Variants in QTMAN observed in about 807,000 individuals in gnomAD.
QTMAN encodes queuosine-tRNA mannosyltransferase.
the QTMAN span, among the ~76,000 whole-genome samples, chr2:143,976,087 A>G: frequency 1.3e-5 from 2 of 152,236 alleles, no homozygotes; most frequent in Non-Finnish European, 2.9e-5. Flanking sequence ...TCATACAAAT[A>G]TAACTATTCC....
the QTMAN span, among the ~76,000 whole-genome samples, chr2:144,252,498 G>A: frequency 2.6e-5 from 4 of 152,128 alleles, no homozygotes; most frequent in East Asian, 1.9e-4. Context: ...CAAATATCAC[G>A]TTAATAGGAA....
At chr2:143,951,043 C>T in the QTMAN span, 2 of 150,982 alleles carry the variant, frequency 1.3e-5, no homozygotes, top group East Asian at 3.9e-4. Flanking sequence ...TTTGATGTAT[C>T]ACTATGTAAA....
At chr2:144,174,984 C>T in the QTMAN span, among the ~76,000 whole-genome samples, 1 of 152,010 alleles carries the variant, frequency 6.6e-6, no homozygotes, top group East Asian at 1.9e-4. Context: ...TTTGCTGTGA[C>T]CATGTAGATA....
At chr2:144,248,658 A>G in the QTMAN span, among the ~76,000 whole-genome samples, 1 of 152,140 alleles carries the variant, frequency 6.6e-6, no homozygotes, top group African/African-American at 2.4e-5. Context: ...CATTCAGTGT[A>G]GGCTGAATGG....
At chr2:144,160,587 T>A in the QTMAN span, among the ~76,000 whole-genome samples, 2 of 152,164 alleles carry the variant, frequency 1.3e-5, no homozygotes, top group East Asian at 3.9e-4. Flanking sequence ...GAAAACATGG[T>A]AACTTATGCG....
chr2:144,306,741 A>G, the QTMAN span, among the ~76,000 whole-genome samples: 6 of 152,244 alleles, frequency 3.9e-5, no homozygotes, highest in African/African-American at 9.6e-5. Flanking sequence ...TTGCATAGTA[A>G]AAGAATATAT....
At chr2:143,944,879 G>A in the QTMAN span, 3 of 150,396 alleles carry the variant, frequency 2.0e-5, no homozygotes, top group Non-Finnish European at 4.4e-5. Flanking sequence ...AGGAAAATAC[G>A]TAAATGTTTC....
the QTMAN span, among the ~76,000 whole-genome samples, chr2:144,224,470 G>A: frequency 6.6e-6 from 1 of 152,092 alleles, no homozygotes; most frequent in Non-Finnish European, 1.5e-5. Context: ...CTTTCTAATT[G>A]GAGTAAAAAG....
chr2:144,208,782 T>C, the QTMAN span: 1 of 1,595,228 alleles, frequency 6.3e-7, no homozygotes. Flanking sequence ...GGATACTCAT[T>C]GGCCCATTCA....
At chr2:144,281,982 A>G in the QTMAN span, among the ~76,000 whole-genome samples, 1 of 152,142 alleles carries the variant, frequency 6.6e-6, no homozygotes, top group Admixed American at 6.5e-5. Flanking sequence ...TAAACATTCA[A>G]AAGAATCACC....
At chr2:144,022,881 C>T in the QTMAN span, among the ~76,000 whole-genome samples, 1 of 152,034 alleles carries the variant, frequency 6.6e-6, no homozygotes, top group Non-Finnish European at 1.5e-5. Context: ...CTCTCTTTAT[C>T]AATGTGTAAT....
chr2:144,083,174 G>A, the QTMAN span, among the ~76,000 whole-genome samples: 1 of 152,346 alleles, frequency 6.6e-6, no homozygotes, highest in South Asian at 2.1e-4. Flanking sequence ...AATGTGGTCT[G>A]CGGACATGGA....
At chr2:143,944,838 G>A in the QTMAN span, 1 of 152,012 alleles carries the variant, frequency 6.6e-6, no homozygotes, top group Non-Finnish European at 1.5e-5. Context: ...CCCACATACA[G>A]GTAACTTTCA....
At chr2:144,047,548 C>T in the QTMAN span, among the ~76,000 whole-genome samples, 2 of 152,148 alleles carry the variant, frequency 1.3e-5, no homozygotes, top group African/African-American at 4.8e-5. Flanking sequence ...CTAAATGAAG[C>T]TCTCTCTACC....
At chr2:144,080,850 A>T in the QTMAN span, among the ~76,000 whole-genome samples, 2 of 152,218 alleles carry the variant, frequency 1.3e-5, no homozygotes, top group Admixed American at 6.5e-5. Context: ...GAAAATTGTC[A>T]TGTTGGATCA....
chr2:144,000,253 A>G, the QTMAN span, among the ~76,000 whole-genome samples: 25 of 152,192 alleles, frequency 1.6e-4, no homozygotes, highest in African/African-American at 5.3e-4. Flanking sequence ...TGGTAATTTT[A>G]GCCAGATATT....
chr2:144,106,533 A>C, the QTMAN span, among the ~76,000 whole-genome samples: 15 of 152,232 alleles, frequency 9.9e-5, no homozygotes, highest in African/African-American at 3.6e-4. Context: ...TGGTAAAGGG[A>C]TCAATTCAAC....
chr2:144,253,478 G>T, the QTMAN span, among the ~76,000 whole-genome samples: 2 of 152,154 alleles, frequency 1.3e-5, no homozygotes, highest in Non-Finnish European at 2.9e-5. Context: ...CTAGAGACTT[G>T]TTGAATGTCT....
the QTMAN span, among the ~76,000 whole-genome samples, chr2:144,320,392 T>C: frequency 8.5e-5 from 13 of 152,166 alleles, no homozygotes; most frequent in African/African-American, 3.1e-4. Flanking sequence ...GGAAAGACTA[T>C]AATGTTTCCC....
Sources: gnomAD v4.1 joint callset for allele counts (sites outside exome capture counted in the v4.1 genomes callset) on GRCh38, gnomAD v4.1.1 for gene constraint, MANE v1.5 for transcripts, NCBI Gene and HGNC (gene_info 2026-07-23, HGNC 2026-07-21) for gene names.